HSPA12A: variants seen among roughly 807,000 people sequenced by gnomAD.
The protein encoded by HSPA12A is heat shock protein family A (Hsp70) member 12A, also known as heat shock 70 kDa protein 12A.
In HSPA12A, 28 loss-of-function variants were observed where a neutral mutation model predicts 69.2. That is an observed-to-expected ratio of 0.40 (90% CI 0.30 to 0.55). The LOEUF is 0.55. Ranked by LOEUF, HSPA12A falls within the 20% of genes least tolerant of loss-of-function variation. The pLI is 0.38. For synonymous variants in HSPA12A, 345 were observed against 370.5 expected, an observed-to-expected ratio of 0.93 and a Z score of 0.79; for missense variants, 686 against 900.7, an observed-to-expected ratio of 0.76 and a Z score of 3.05.
At chr10:116,698,774 G>T in intron 4 of HSPA12A, 35 bp from the exon 5 acceptor site, 2 of 1,517,732 alleles carry the variant, frequency 1.3e-6, no homozygotes, top group South Asian at 1.1e-5. Context: ...GTAAGAAGAT[G>T]ACACAGGAGA....
chr10:116,742,769 G>A (rs1851558866), upstream of HSPA12A, among the ~76,000 whole-genome samples: 1 of 151,880 alleles, frequency 6.6e-6, no homozygotes, highest in Non-Finnish European at 1.5e-5. Context: ...CCGAGGCCCG[G>A]CCTCTCCTCT....
rs1308441051 is a variant in HSPA12A at position 116,849,697 on chromosome 10, T to A, written c.-129A>T. 1.9e-6 allele frequency: 3 copies of A among 1,543,742 alleles called. No homozygotes were observed. In the East Asian group the frequency reaches 7.4e-5, roughly 38 times the overall value. ...CTGGAAGAGCTGCTCAACTCCACCTTCTACCTCCAGCCTGCCGACGTCTAC... is the reference window on the plus strand; with the variant it reads ...CTGGAAGAGCTGCTCAACTCCACCTACTACCTCCAGCCTGCCGACGTCTAC... On this transcript the variant is annotated 5_prime_UTR_variant, in exon 1 of 13. Transcript: ENST00000635765.
chr10:116,679,408 GA>G, intron 10 of HSPA12A, 94 bp downstream of exon 10: 7 of 1,486,542 alleles, frequency 4.7e-6, no homozygotes, highest in Non-Finnish European at 5.5e-6. Context: ...AAGTGTGTAG[GA>G]TTGGAACCCG....
chr10:116,824,953 C>T (rs1426253430), intron 2 of HSPA12A, among the ~76,000 whole-genome samples: 2 of 150,970 alleles, frequency 1.3e-5, no homozygotes, highest in Non-Finnish European at 2.9e-5. Context: ...TTTGGAAGGC[C>T]GAGGCAGGCA....
intron 1 of HSPA12A, among the ~76,000 whole-genome samples, chr10:116,846,343 T>G (rs1185458691): frequency 6.7e-6 from 1 of 148,264 alleles, no homozygotes; most frequent in Admixed American, 6.7e-5. Context: ...TTTTTTTTTT[T>G]GTTTTTTTGT....
At chr10:116,727,112 G>T (rs535073171) in intron 1 of HSPA12A, among the ~76,000 whole-genome samples, 2 of 152,144 alleles carry the variant, frequency 1.3e-5, no homozygotes, top group South Asian at 4.1e-4. Context: ...ATAAAAGAAA[G>T]AAAAATAGGA....
At chr10:116,772,860 G>A (rs758364) in intron 2 of HSPA12A, among the ~76,000 whole-genome samples, 49,063 of 151,216 alleles carry the variant, frequency 0.32, 9,157 homozygotes, top group African/African-American at 0.52. Flanking sequence ...ACATCTGGCT[G>A]ATTATTATTA....
chr10:116,723,378 C>T lies in HSPA12A; in HGVS notation c.41-16093G>A, dbSNP rs1479811794. Among the ~76,000 whole-genome samples, 15 of 152,170 alleles carry T rather than the reference C, an allele frequency of 9.9e-5. No homozygotes were observed. The highest frequency in any genetic ancestry group is 1.8e-4 in the Non-Finnish European group (12 of 68,018). On this transcript the variant is annotated intron_variant, in intron 1 of 11. Transcript: ENST00000369209. The surrounding 1 kb of genome is among the most constrained non-coding windows in gnomAD (Gnocchi z 4.1). ...GGGAGGATTTGACCCTCATGCTGCC[C>T]TCCAAATAGGCACAGCCCCAAGCTG...
At chr10:116,824,523 A>C (rs939739682) in intron 2 of HSPA12A, among the ~76,000 whole-genome samples, 11 of 152,234 alleles carry the variant, frequency 7.2e-5, no homozygotes, top group Admixed American at 4.6e-4. Flanking sequence ...ATGGACAAAC[A>C]AACCATGTTC....
chr10:116,849,859 C>T, upstream of HSPA12A: 4 of 1,099,948 alleles, frequency 3.6e-6, no homozygotes, highest in Non-Finnish European at 5.3e-6. Flanking sequence ...CCTGGGCCTG[C>T]GTGTGCGGAG....
chr10:116,802,117 C>T (rs1844970439), intron 2 of HSPA12A, among the ~76,000 whole-genome samples: 1 of 152,174 alleles, frequency 6.6e-6, no homozygotes, highest in African/African-American at 2.4e-5. Flanking sequence ...CATGCTCACC[C>T]AGCAATTCAA....
chr10:116,842,970 T>C (rs1451227628), intron 1 of HSPA12A, among the ~76,000 whole-genome samples: 1 of 152,234 alleles, frequency 6.6e-6, no homozygotes, highest in Non-Finnish European at 1.5e-5. Flanking sequence ...CTACTTCCAG[T>C]TTCATTCTGC....
At chr10:116,726,096 G>T (rs1850954767) in intron 1 of HSPA12A, among the ~76,000 whole-genome samples, 1 of 150,726 alleles carries the variant, frequency 6.6e-6, no homozygotes, top group Non-Finnish European at 1.5e-5. Flanking sequence ...CATTCCCATG[G>T]TTCTCTACCC....
chr10:116,692,244 A>C (rs1564780694), intron 6 of HSPA12A, 107 bp downstream of exon 6: 1 of 809,644 alleles, frequency 1.2e-6, no homozygotes, highest in East Asian at 2.6e-5. Flanking sequence ...GCTGCCTCCC[A>C]TGGAGGCCAG....
chr10:116,755,410 G>A (rs1163918029), intron 2 of HSPA12A, among the ~76,000 whole-genome samples: 7 of 151,622 alleles, frequency 4.6e-5, no homozygotes, highest in African/African-American at 9.7e-5. Flanking sequence ...CCAGGAGTTC[G>A]AGACCAGCAT....
chr10:116,672,351 T>C lies in HSPA12A; in HGVS notation c.*2430A>G, dbSNP rs1293845139. The C allele has an allele frequency of 3.3e-5, 5 of 152,196 alleles. No individual in the cohort carries two copies. Among genetic ancestry groups the C allele is most frequent in the Non-Finnish European group, 7.3e-5 (5 of 68,052 alleles). The allele number at this position is 152,196 out of a possible 1,614,324, so 9.4% of individuals were successfully genotyped here. A position where few individuals can be genotyped will look rare whatever the true frequency, so the allele number is the denominator to read the frequency against. ...CACATGGCTTCCAGAACCAGAACGT[T>C]CAGCTCTTAAAGTCTGCACAGAAGA... On this transcript the variant is annotated 3_prime_UTR_variant, in exon 12 of 12. Coordinates refer to ENST00000369209, the MANE Select transcript of HSPA12A (RefSeq NM_025015.3).
At chr10:116,759,653 T>A (rs1554889118) in intron 2 of HSPA12A, among the ~76,000 whole-genome samples, 1 of 152,186 alleles carries the variant, frequency 6.6e-6, no homozygotes, top group East Asian at 1.9e-4. Flanking sequence ...CAGCATTCAG[T>A]ACTGGGGTTG....
At chr10:116,785,936 A>C (rs754033693) in intron 2 of HSPA12A, among the ~76,000 whole-genome samples, 2 of 151,536 alleles carry the variant, frequency 1.3e-5, no homozygotes, top group Non-Finnish European at 2.9e-5. Flanking sequence ...ACTCTGCCTG[A>C]GTGGTCTAGC....
chr10:116,809,008 C>T (rs1265674062), intron 2 of HSPA12A, among the ~76,000 whole-genome samples: 1 of 152,136 alleles, frequency 6.6e-6, no homozygotes, highest in Non-Finnish European at 1.5e-5. Flanking sequence ...TTCCTCCGCT[C>T]CTTCCTCTTC....
Sources: gnomAD v4.1 joint callset for allele counts (sites outside exome capture counted in the v4.1 genomes callset) on GRCh38, gnomAD v4.1.1 for gene constraint, Gnocchi (gnomAD v3.1) non-coding constraint, MANE v1.5 for transcripts, NCBI Gene and HGNC (gene_info 2026-07-23, HGNC 2026-07-21) for gene names.